The following FHIP1A variants were observed in gnomAD, a reference collection of about 807,000 sequenced individuals.
FHIP1A encodes the protein FHF complex subunit HOOK interacting protein 1A.
FHIP1A carries 61 observed loss-of-function variants against 88.6 expected under a neutral mutation model. The ratio of observed to expected loss-of-function variants is 0.69; its 90% confidence interval spans 0.56 to 0.85. The LOEUF is 0.85. Ranked by LOEUF, FHIP1A falls within the 40% of genes least tolerant of loss-of-function variation. FHIP1A has a pLI of 0.00. For missense variants in FHIP1A, 1,154 were observed against 1,273.5 expected (o/e 0.91, Z 1.43); for synonymous variants, 478 against 496.0 (o/e 0.96, Z 0.48).
intron 1 of FHIP1A, among the ~76,000 whole-genome samples, chr4:151,444,487 G>A (rs143058865): frequency 1.3e-4 from 20 of 152,100 alleles, no homozygotes; most frequent in African/African-American, 3.6e-4. Context: ...TTAGAAACCC[G>A]TTTGTCCTCC....
intron 3 of FHIP1A, among the ~76,000 whole-genome samples, chr4:151,543,921 G>T (rs915266480): frequency 6.6e-6 from 1 of 152,164 alleles, no homozygotes; most frequent in African/African-American, 2.4e-5. Context: ...TATTACTTCT[G>T]TAGTGGAAAA....
chr4:151,563,587 G>C (rs764588303), intron 3 of FHIP1A, among the ~76,000 whole-genome samples: 14 of 152,202 alleles, frequency 9.2e-5, no homozygotes, highest in Non-Finnish European at 1.9e-4. Context: ...TTTAGTGACT[G>C]CAGCTGCTTT....
At chr4:151,625,535 A>G (rs1428164974) in intron 7 of FHIP1A, among the ~76,000 whole-genome samples, 5 of 152,244 alleles carry the variant, frequency 3.3e-5, no homozygotes, top group Non-Finnish European at 5.9e-5. Flanking sequence ...AGCTGATTAC[A>G]GAAAGGTCAG....
At chr4:151,564,536 A>AT (rs1401759747) in intron 3 of FHIP1A, among the ~76,000 whole-genome samples, 7 of 152,220 alleles carry the variant, frequency 4.6e-5, no homozygotes, top group African/African-American at 1.4e-4. Flanking sequence ...CAAATGTGGG[A>AT]TAGCCACTCT....
chr4:151,609,117 G>A (rs976339093), intron 7 of FHIP1A, among the ~76,000 whole-genome samples: 1 of 152,190 alleles, frequency 6.6e-6, no homozygotes. Flanking sequence ...AACTTTTTTC[G>A]AATGGAAATG....
intron 3 of FHIP1A, among the ~76,000 whole-genome samples, chr4:151,539,191 T>C (rs1442622531): frequency 6.6e-6 from 1 of 152,234 alleles, no homozygotes; most frequent in Non-Finnish European, 1.5e-5. Flanking sequence ...TCTGAGAGAC[T>C]TAACTGATAC....
intron 8 of FHIP1A, among the ~76,000 whole-genome samples, chr4:151,635,400 G>C: frequency 6.6e-6 from 1 of 151,790 alleles, no homozygotes; most frequent in East Asian, 1.9e-4. Flanking sequence ...TTTAAAGCAC[G>C]ATCTTGAACA....
chr4:151,519,599 A>G (rs1731381790), intron 3 of FHIP1A, among the ~76,000 whole-genome samples: 1 of 152,116 alleles, frequency 6.6e-6, no homozygotes, highest in Non-Finnish European at 1.5e-5. Context: ...ATATGTGAAT[A>G]TGTATATATA....
At chr4:151,586,508 T>C (rs1734218778) in intron 5 of FHIP1A, 133 bp from the exon 6 acceptor site, 1 of 639,694 alleles carries the variant, frequency 1.6e-6, no homozygotes, top group Non-Finnish European at 2.6e-6. Flanking sequence ...GCTGACGGGC[T>C]CTTATACCTT....
chr4:151,430,531 T>A (rs892974369), intron 1 of FHIP1A, among the ~76,000 whole-genome samples: 1 of 152,232 alleles, frequency 6.6e-6, no homozygotes, highest in African/African-American at 2.4e-5. Context: ...TACTTTCTGA[T>A]TTTGGAAGAA....
intron 4 of FHIP1A, 111 bp from the exon 5 acceptor site, chr4:151,577,339 G>T: frequency 2.1e-6 from 2 of 939,278 alleles, no homozygotes; most frequent in East Asian, 2.6e-5. Context: ...CACATATCTT[G>T]TGGGCAGTGG....
At chr4:151,615,260 T>TTGCCTTGATGTCTTCTTCTCAAAATAG (rs58527014) in intron 7 of FHIP1A, among the ~76,000 whole-genome samples, 92,976 of 151,894 alleles carry the variant, frequency 0.61, 30,970 homozygotes, top group African/African-American at 0.9. Flanking sequence ...GTTAGAATTC[T>TTGCCTTGATGTCTTCTTCTCAAAATAG]TGTAAAAACC....
intron 7 of FHIP1A, among the ~76,000 whole-genome samples, chr4:151,619,904 G>T (rs2406976): frequency 1.3e-5 from 2 of 151,920 alleles, no homozygotes; most frequent in Non-Finnish European, 1.5e-5. Context: ...CTGCACACCA[G>T]TTCTATTTAC....
intron 4 of FHIP1A, among the ~76,000 whole-genome samples, chr4:151,570,556 A>C (rs559801138): frequency 6.6e-6 from 1 of 152,098 alleles, no homozygotes; most frequent in Non-Finnish European, 1.5e-5. Flanking sequence ...GGCTCAAGAG[A>C]TCCTGCTCCC....
chr4:151,518,661 C>CCCTCCCTTCCTCCCTCCCTT (rs746758648), intron 3 of FHIP1A, among the ~76,000 whole-genome samples: 1 of 79,654 alleles, frequency 1.3e-5, no homozygotes, highest in African/African-American at 4.6e-5. Flanking sequence ...CTCCCTCCCT[C>CCCTCCCTTCCTCCCTCCCTT]CCTTCCTTCT....
intron 1 of FHIP1A, among the ~76,000 whole-genome samples, chr4:151,415,718 C>G (rs568556788): frequency 6.6e-6 from 1 of 152,246 alleles, no homozygotes; most frequent in South Asian, 2.1e-4. Context: ...TTTCTGAATG[C>G]ACAAGACTGA....
chr4:151,528,414 C>T (rs764987259), intron 3 of FHIP1A, among the ~76,000 whole-genome samples: 8 of 152,058 alleles, frequency 5.3e-5, no homozygotes, highest in Non-Finnish European at 1.0e-4. Context: ...TCCGTTCTGT[C>T]GAAATATAGA....
intron 4 of FHIP1A, among the ~76,000 whole-genome samples, chr4:151,573,241 A>C (rs1438277979): frequency 6.6e-6 from 1 of 152,042 alleles, no homozygotes; most frequent in Non-Finnish European, 1.5e-5. Context: ...ATTTAGGATC[A>C]ATATGTGATC....
chr4:151,452,148 C>T (rs557733627), intron 1 of FHIP1A, among the ~76,000 whole-genome samples: 1 of 152,276 alleles, frequency 6.6e-6, no homozygotes, highest in African/African-American at 2.4e-5. Context: ...TCAAGTTAAA[C>T]CTCAACAAGG....
Sources: allele counts gnomAD v4.1 joint callset (sites outside exome capture counted in the v4.1 genomes callset), GRCh38; gene constraint gnomAD v4.1.1; transcripts MANE v1.5; gene names NCBI Gene and HGNC (gene_info 2026-07-23, HGNC 2026-07-21).